Variants in CCDC192 observed in about 807,000 individuals in gnomAD.
CCDC192 encodes the protein coiled-coil domain containing 192.
chr5:127,715,521 C>G (rs248731), intron 2 of CCDC192, among the ~76,000 whole-genome samples: 48,304 of 151,984 alleles, frequency 0.32, 7,896 homozygotes, highest in South Asian at 0.41. Flanking sequence ...GGTAGTGTGC[C>G]TCTAGCTTGG....
chr5:127,725,886 T>C (rs2126807122), intron 2 of CCDC192, among the ~76,000 whole-genome samples: 1 of 152,346 alleles, frequency 6.6e-6, no homozygotes, highest in East Asian at 1.9e-4. Context: ...TGCAATACTT[T>C]TGGCAACACA....
chr5:127,791,446 G>T (rs1756862006), intron 3 of CCDC192, among the ~76,000 whole-genome samples: 1 of 152,180 alleles, frequency 6.6e-6, no homozygotes, highest in Non-Finnish European at 1.5e-5. Context: ...TCTAGGAACT[G>T]GTCCTGTCAC....
At chr5:127,802,223 C>T (rs1757543500) in intron 5 of CCDC192, among the ~76,000 whole-genome samples, 1 of 152,224 alleles carries the variant, frequency 6.6e-6, no homozygotes, top group African/African-American at 2.4e-5. Context: ...GAATGCACTA[C>T]ACCCAGTACA....
chr5:127,933,670 G>A (rs891034771), intron 6 of CCDC192, among the ~76,000 whole-genome samples: 9 of 152,156 alleles, frequency 5.9e-5, no homozygotes, highest in African/African-American at 1.9e-4. Context: ...GAGTACTAGG[G>A]TCTGAATGTT....
chr5:127,908,788 A>G (rs1192713454), intron 6 of CCDC192, among the ~76,000 whole-genome samples: 1 of 152,182 alleles, frequency 6.6e-6, no homozygotes. Flanking sequence ...TGCATAGTAC[A>G]AAGAATAACT....
intron 6 of CCDC192, among the ~76,000 whole-genome samples, chr5:127,878,440 G>A (rs1473237528): frequency 6.6e-6 from 1 of 152,218 alleles, no homozygotes; most frequent in Non-Finnish European, 1.5e-5. Flanking sequence ...GCTGGATTAG[G>A]AGAAATCCAC....
At chr5:127,786,472 T>A in intron 3 of CCDC192, 1 of 629,972 alleles carries the variant, frequency 1.6e-6, no homozygotes, top group Non-Finnish European at 2.9e-6. Flanking sequence ...TATTGATGGT[T>A]TCACCATTTC....
intron 6 of CCDC192, among the ~76,000 whole-genome samples, chr5:127,904,638 A>C (rs1363535776): frequency 6.6e-6 from 1 of 151,272 alleles, no homozygotes; most frequent in Non-Finnish European, 1.5e-5. Flanking sequence ...AGTAGCCGGG[A>C]TTACTGGCGC....
intron 6 of CCDC192, among the ~76,000 whole-genome samples, chr5:127,930,524 G>A (rs970543637): frequency 3.3e-5 from 5 of 152,172 alleles, no homozygotes; most frequent in African/African-American, 1.2e-4. Context: ...GGAGACTTCA[G>A]GTCCTACTCA....
Position 127,726,763 on chromosome 5 carries a change from A to G in CCDC192, c.114+19003A>G, listed in dbSNP as rs145968755. On this transcript the variant is annotated intron_variant, in intron 2 of 6. Coordinates refer to ENST00000514853, the MANE Select transcript of CCDC192 (RefSeq NM_001317938.2). ...CCAGGGGTTTACGGACAGAGCTTTG[A>G]TCTCCCTGGGATGAAACCCTGGGGT... is the stretch of plus-strand genomic sequence containing the variant. Among the ~76,000 whole-genome samples the G allele has an allele frequency of 3.8e-3, 583 of 152,256 alleles. 3 individuals are homozygous for G. Among genetic ancestry groups the G allele is most frequent in the African/African-American group, 0.013 (553 of 41,548 alleles).
At chr5:127,728,684 T>A (rs771863002) in intron 2 of CCDC192, among the ~76,000 whole-genome samples, 3 of 152,118 alleles carry the variant, frequency 2.0e-5, no homozygotes, top group Non-Finnish European at 2.9e-5. Context: ...AGGATCAAAT[T>A]CACACATAAC....
chr5:127,709,202 G>GGGGGGAGAGA (rs1247306394), intron 2 of CCDC192, among the ~76,000 whole-genome samples: 3 of 85,764 alleles, frequency 3.5e-5, no homozygotes, highest in Admixed American at 1.6e-4. Flanking sequence ...GGAGAGAGGG[G>GGGGGGAGAGA]GAGAGAGAGA....
chr5:127,841,928 A>G (rs1321354911), intron 5 of CCDC192, among the ~76,000 whole-genome samples: 1 of 152,242 alleles, frequency 6.6e-6, no homozygotes, highest in African/African-American at 2.4e-5. Flanking sequence ...GAGCAAGTGC[A>G]ATGATGAATG....
chr5:127,833,512 A>T (rs1309415437), intron 5 of CCDC192, among the ~76,000 whole-genome samples: 1 of 152,132 alleles, frequency 6.6e-6, no homozygotes, highest in Non-Finnish European at 1.5e-5. Flanking sequence ...CTTATACTAC[A>T]TGCCATCATA....
At chr5:127,858,734 A>T (rs1751218769) in intron 5 of CCDC192, among the ~76,000 whole-genome samples, 1 of 152,230 alleles carries the variant, frequency 6.6e-6, no homozygotes, top group African/African-American at 2.4e-5. Context: ...AAAGAGAAGC[A>T]AGGCCCAGTC....
chr5:127,798,227 A>T, intron 5 of CCDC192, 65 bp downstream of exon 5: 1 of 397,254 alleles, frequency 2.5e-6, no homozygotes, highest in Admixed American at 4.4e-5. Flanking sequence ...AATGAACAGA[A>T]CATGGAAAGA....
intron 6 of CCDC192, among the ~76,000 whole-genome samples, chr5:127,902,431 C>T (rs1753062663): frequency 6.6e-6 from 1 of 150,488 alleles, no homozygotes; most frequent in Non-Finnish European, 1.5e-5. Context: ...ACAAAATGAA[C>T]AAACAAACAA....
At chr5:127,714,856 T>G (rs1751535119) in intron 2 of CCDC192, among the ~76,000 whole-genome samples, 1 of 152,248 alleles carries the variant, frequency 6.6e-6, no homozygotes, top group African/African-American at 2.4e-5. Flanking sequence ...ATTGTGGTTT[T>G]GATTTGCATT....
chr5:127,842,071 G>A (rs556344766), intron 5 of CCDC192, among the ~76,000 whole-genome samples: 7 of 152,318 alleles, frequency 4.6e-5, no homozygotes, highest in African/African-American at 1.4e-4. Flanking sequence ...GAAAATGGGC[G>A]GAGGTGCCAG....
Sources: allele counts gnomAD v4.1 joint callset (sites outside exome capture counted in the v4.1 genomes callset), GRCh38; gene constraint gnomAD v4.1.1; transcripts MANE v1.5; gene names NCBI Gene and HGNC (gene_info 2026-07-23, HGNC 2026-07-21).